The following FGD4 variants were observed in gnomAD, a reference collection of about 807,000 sequenced individuals.
FGD4 encodes the protein FYVE, RhoGEF and PH domain-containing protein 4.
Under a neutral mutation model 102.0 loss-of-function variants are expected in FGD4, and 42 were observed. The observed-to-expected ratio is 0.41, with a 90% CI of 0.32 to 0.53. The LOEUF is 0.53. Among genes scored for constraint, FGD4 ranks in the 20% least tolerant of loss-of-function variants. The pLI, the probability that FGD4 is intolerant of heterozygous loss-of-function variation, is 0.21. For synonymous variants in FGD4, 380 were observed against 375.7 expected (o/e 1.01, Z -0.13); for missense variants, 902 against 1,078.2 (o/e 0.84, Z 2.29).
intron 1 of FGD4, chr12:32,534,607 T>A: frequency 3.3e-6 from 2 of 600,798 alleles, no homozygotes; most frequent in Non-Finnish European, 5.1e-6. Context: ...GGTTTTCTTT[T>A]AAAGTTAATA....
chr12:32,552,553 A>T (rs185589838), intron 1 of FGD4, among the ~76,000 whole-genome samples: 2 of 147,184 alleles, frequency 1.4e-5, no homozygotes, highest in Admixed American at 7.1e-5. Flanking sequence ...AAGTGCTGGG[A>T]TTACAGGCGT....
chr12:32,607,724 G>T (rs531633228), intron 7 of FGD4, among the ~76,000 whole-genome samples: 5 of 152,234 alleles, frequency 3.3e-5, no homozygotes, highest in African/African-American at 1.2e-4. Context: ...CATGTTGGCC[G>T]GGCTGGTCTC....
chr12:32,620,520 CTTTTTTTTTT>C (rs1233071153), intron 11 of FGD4, among the ~76,000 whole-genome samples: 9 of 91,132 alleles, frequency 9.9e-5, no homozygotes, highest in South Asian at 8.3e-4. Context: ...TTTTTTCTTT[CTTTTTTTTTT>C]TTTTTTTTTT....
Position 32,437,108 on chromosome 12 carries a change from C to CAAAAAA in FGD4, c.166+37160_166+37165dup, listed in dbSNP as rs5797478. Among the ~76,000 whole-genome samples, 85 of 108,084 alleles carry CAAAAAA rather than the reference C, an allele frequency of 7.9e-4. 4 individuals are homozygous for CAAAAAA. In the South Asian group the frequency reaches 0.018, roughly 23 times the overall value. 70.9% of individuals were successfully genotyped at this position (108,084 alleles called of 152,430 possible). A position where few individuals can be genotyped will look rare whatever the true frequency, so the allele number is the denominator to read the frequency against. ...TGGGTGACAGAGTGGGACTCCATGTCAAAAAAAAAAAAAAAAGGGAAAAAG... is the reference window on the plus strand; with the variant it reads ...TGGGTGACAGAGTGGGACTCCATGTCAAAAAAAAAAAAAAAAAAAAAAGGGAAAAAG... On this transcript the variant is annotated intron_variant, in intron 1 of 16. Transcript: ENST00000534526.
At chr12:32,490,739 A>G (rs986685419) in intron 1 of FGD4, among the ~76,000 whole-genome samples, 6 of 152,178 alleles carry the variant, frequency 3.9e-5, no homozygotes, top group Non-Finnish European at 7.3e-5. Context: ...TGGGATGTAT[A>G]TATTCCTGCA....
intron 15 of FGD4, 113 bp downstream of exon 15, chr12:32,633,802 G>A: frequency 1.0e-6 from 1 of 972,898 alleles, no homozygotes; most frequent in Non-Finnish European, 1.5e-6. Flanking sequence ...TGCAACCTCA[G>A]CCTCCCAAGT....
At chr12:32,624,360 T>C in intron 11 of FGD4, 62 bp from the exon 12 acceptor site, 1 of 1,315,200 alleles carries the variant, frequency 7.6e-7, no homozygotes, top group Non-Finnish European at 1.1e-6. Context: ...AAGCATAGTT[T>C]TATTCACCCA....
chr12:32,571,609 A>G (rs776090793), intron 2 of FGD4, among the ~76,000 whole-genome samples: 14 of 152,208 alleles, frequency 9.2e-5, no homozygotes, highest in Non-Finnish European at 2.1e-4. Flanking sequence ...ATAAAACAAA[A>G]TGACAAATGT....
At chr12:32,598,475 T>C (rs1169966758) in intron 4 of FGD4, 22 bp from the exon 5 acceptor site, 1 of 1,532,098 alleles carries the variant, frequency 6.5e-7, no homozygotes, top group East Asian at 2.3e-5. Flanking sequence ...TCCTAATGTG[T>C]GAATATCTTT....
intron 1 of FGD4, among the ~76,000 whole-genome samples, chr12:32,532,420 T>G (rs563298557): frequency 6.6e-6 from 1 of 152,326 alleles, no homozygotes; most frequent in East Asian, 1.9e-4. Flanking sequence ...CTTAGTTTTC[T>G]CTTCTGCAAA....
At chr12:32,494,239 G>A (rs1235257559) in intron 1 of FGD4, among the ~76,000 whole-genome samples, 3 of 152,072 alleles carry the variant, frequency 2.0e-5, no homozygotes, top group Non-Finnish European at 4.4e-5. Flanking sequence ...TTTTTGTAGA[G>A]ATGAGATCTC....
At chr12:32,497,308 A>G (rs1937881707) in intron 1 of FGD4, among the ~76,000 whole-genome samples, 1 of 102,264 alleles carries the variant, frequency 9.8e-6, no homozygotes, top group Non-Finnish European at 2.7e-5. Flanking sequence ...TCTTCCTTAT[A>G]AAGTACTCTG....
rs1948473266 is a variant in FGD4 at position 32,602,220 on chromosome 12, A to G, written c.1307A>G (p.Tyr436Cys). Residue 436 changes from tyrosine to cysteine, a missense_variant, in exon 7 of 17, where the codon TAT (tyrosine) becomes TGT (cysteine). Tyr to Cys is a radical substitution (Grantham distance 194, BLOSUM62 -2). This residue lies in a region of FGD4 where 459 missense variants were observed against 619.0 expected (regional missense o/e 0.74). Transcript: ENST00000534526. Reference sequence around the variant, plus strand: ...AAATTGGCACCATTCCTTAAGATGTATGGAGAATATGTGAAAGGATTTGAT... The same window carrying G: ...AAATTGGCACCATTCCTTAAGATGTGTGGAGAATATGTGAAAGGATTTGAT... ...LQKLAPFLKM[Y>C]GEYVKGFDNA... 1.2e-6 allele frequency: 2 copies of G among 1,614,166 alleles called. No individual in the cohort carries two copies. Among genetic ancestry groups the G allele is most frequent in the Non-Finnish European group, 8.5e-7 (1 of 1,179,982 alleles).
intron 7 of FGD4, 80 bp downstream of exon 7, chr12:32,602,397 T>A: frequency 6.4e-7 from 1 of 1,558,450 alleles, no homozygotes; most frequent in Non-Finnish European, 8.8e-7. Context: ...AAAACTGAGA[T>A]CTAGAGATCT....
intron 1 of FGD4, among the ~76,000 whole-genome samples, chr12:32,480,622 TTCC>T (rs1943723009): frequency 6.6e-6 from 1 of 151,688 alleles, no homozygotes; most frequent in Non-Finnish European, 1.5e-5. Context: ...TGCCTCAGCC[TTCC>T]GAGTAGCTGG....
chr12:32,543,258 C>T (rs919044022), intron 1 of FGD4, among the ~76,000 whole-genome samples: 6 of 152,144 alleles, frequency 3.9e-5, no homozygotes, highest in Non-Finnish European at 8.8e-5. Context: ...CAGAAGATTC[C>T]TGAACATGGG....
intron 1 of FGD4, among the ~76,000 whole-genome samples, chr12:32,420,028 G>A (rs998192441): frequency 3.1e-4 from 47 of 152,172 alleles, no homozygotes; most frequent in African/African-American, 1.1e-3. Flanking sequence ...ACCAGCTACT[G>A]TGAATGCTCA....
rs117259842 is a variant in FGD4 at position 32,481,881 on chromosome 12, A to G, written c.166+81922A>G. ...TAATTTCAGTTCCTTGATCACACGAACCCATGTTTCAAGTGCTCATGTGGC... is the reference window on the plus strand; with the variant it reads ...TAATTTCAGTTCCTTGATCACACGAGCCCATGTTTCAAGTGCTCATGTGGC... On this transcript the variant is annotated intron_variant, in intron 1 of 16. Transcript: ENST00000534526. Among the ~76,000 whole-genome samples the G allele has an allele frequency of 9.2e-3, 1,400 of 152,160 alleles. 6 individuals carry two copies. Among genetic ancestry groups the G allele is most frequent in the Middle Eastern group, 0.02 (6 of 294 alleles).
intron 1 of FGD4, among the ~76,000 whole-genome samples, chr12:32,500,418 TTTTA>T (rs369300281): frequency 1.3e-5 from 1 of 77,660 alleles, no homozygotes; most frequent in East Asian, 2.5e-4. Context: ...TTTTATTTTA[TTTTA>T]TTTTATTTTA....
Sources: allele counts gnomAD v4.1 joint callset (sites outside exome capture counted in the v4.1 genomes callset), GRCh38; gene constraint gnomAD v4.1.1; regional missense constraint gnomAD v4.1.1; transcripts MANE v1.5; gene names NCBI Gene and HGNC (gene_info 2026-07-23, HGNC 2026-07-21).